COL18A1: variants seen among roughly 807,000 people sequenced by gnomAD.
The protein encoded by COL18A1 is collagen type XVIII alpha 1 chain, also known as collagen alpha-1(XVIII) chain.
Under a neutral mutation model 168.0 loss-of-function variants are expected in COL18A1, and 133 were observed. The observed-to-expected ratio is 0.79, with a 90% confidence interval of 0.69 to 0.91. COL18A1 has a LOEUF of 0.91. Ranked by LOEUF, COL18A1 falls within the 40% of genes least tolerant of loss-of-function variation. COL18A1 has a pLI of 0.00. For synonymous variants in COL18A1, 949 were observed against 809.0 expected (o/e 1.17, Z -2.94); for missense variants, 2,126 against 1,925.4 (o/e 1.10, Z -1.95).
chr21:45,438,805 G>A (rs2034290892), intron 2 of COL18A1, among the ~76,000 whole-genome samples: 2 of 152,364 alleles, frequency 1.3e-5, no homozygotes, highest in South Asian at 4.1e-4. Context: ...CACGTTAGCA[G>A]GTCTGTCTGT....
chr21:45,509,993 G>T, intron 39 of COL18A1, 71 bp from the exon 40 acceptor site: 1 of 1,498,242 alleles, frequency 6.7e-7, no homozygotes, highest in Non-Finnish European at 8.9e-7. Context: ...CGGGGCCGGG[G>T]TGGTGCGCCC....
chr21:45,424,732 G>T (rs1477428748), intron 2 of COL18A1: 1 of 152,372 alleles, frequency 6.6e-6, no homozygotes, highest in East Asian at 1.9e-4. Context: ...TCCCTTCCGG[G>T]GCAGCCCTTG....
At chr21:45,453,441 TTGAG>T (rs779655491) in intron 2 of COL18A1, among the ~76,000 whole-genome samples, 10 of 152,226 alleles carry the variant, frequency 6.6e-5, no homozygotes, top group African/African-American at 1.2e-4. Flanking sequence ...ATGCGTGCGT[TTGAG>T]TGATGATGTG....
intron 2 of COL18A1, among the ~76,000 whole-genome samples, chr21:45,417,574 G>A (rs113344289): frequency 4.9e-4 from 75 of 152,308 alleles, no homozygotes; most frequent in South Asian, 2.7e-3. Flanking sequence ...CTAGGACCGC[G>A]GTCTCTCTGG....
At chr21:45,478,177 G>T in intron 8 of COL18A1, 150 bp from the exon 9 acceptor site, 1 of 1,013,502 alleles carries the variant, frequency 9.9e-7, no homozygotes, top group South Asian at 1.3e-5. Flanking sequence ...GTGGGTGTGA[G>T]GAGGCTCCTG....
At chr21:45,439,934 G>A (rs1218411775) in intron 2 of COL18A1, among the ~76,000 whole-genome samples, 1 of 152,248 alleles carries the variant, frequency 6.6e-6, no homozygotes, top group Non-Finnish European at 1.5e-5. Flanking sequence ...ATGACTTCCT[G>A]AGCGAAAGCA....
At chr21:45,458,772 G>A (rs1191394077) in intron 2 of COL18A1, among the ~76,000 whole-genome samples, 1 of 152,192 alleles carries the variant, frequency 6.6e-6, no homozygotes, top group African/African-American at 2.4e-5. Flanking sequence ...CCTGTGGGAG[G>A]GGAAACGCCA....
At chr21:45,452,727 CGT>C (rs1164692669) in intron 2 of COL18A1, among the ~76,000 whole-genome samples, 4 of 148,608 alleles carry the variant, frequency 2.7e-5, no homozygotes, top group Admixed American at 6.7e-5. Context: ...TCACATGTGA[CGT>C]GTGAGCATAT....
In COL18A1 at chr21:45,431,778, G is replaced by A. The variant is rs571008706; in HGVS notation, c.106+26305G>A. ...AATTTGGGCACAGGCAGGGCAGGCC[G>A]TCGCGGACGGTCTAAGCCGCGCGCA... is the stretch of plus-strand genomic sequence containing the variant. On this transcript the variant is annotated intron_variant, in intron 2 of 41. Coordinates refer to ENST00000651438, the MANE Select transcript of COL18A1 (RefSeq NM_001379500.1). 4.3e-4 allele frequency among the ~76,000 whole-genome samples: 66 copies of A among 152,236 alleles called. 1 individual carries two copies. Among genetic ancestry groups the A allele is most frequent in the African/African-American group, 1.4e-3 (60 of 41,536 alleles).
rs1386248253 is a variant in COL18A1 at position 45,423,423 on chromosome 21, C to A, written c.106+17950C>A. On this transcript the variant is annotated intron_variant, in intron 2 of 41. Coordinates refer to ENST00000651438, the MANE Select transcript of COL18A1 (RefSeq NM_001379500.1). The surrounding 1 kb of genome is among the most constrained non-coding windows in gnomAD (Gnocchi z 4.0). ...TTTGCAGAGAGAAAGGCGTGGAGCTCCACAAGCACCTCGGACGGCAGCAGG... is the reference window on the plus strand; with the variant it reads ...TTTGCAGAGAGAAAGGCGTGGAGCTACACAAGCACCTCGGACGGCAGCAGG... Among the ~76,000 whole-genome samples the A allele has an allele frequency of 6.6e-6, 1 of 152,210 alleles. No homozygotes were observed. The highest frequency in any genetic ancestry group is 1.5e-5 in the Non-Finnish European group (1 of 68,040).
chr21:45,489,997 C>G (rs537140406), intron 19 of COL18A1, among the ~76,000 whole-genome samples: 2 of 11,144 alleles, frequency 1.8e-4, no homozygotes, highest in Admixed American at 5.8e-4. Context: ...ACTTCCCCGT[C>G]CCCCACACCT....
In COL18A1 at chr21:45,425,946, T is replaced by C. The variant is rs544392196; in HGVS notation, c.106+20473T>C. Among the ~76,000 whole-genome samples the C allele has an allele frequency of 6.6e-6, 1 of 152,248 alleles. No individual in the cohort carries two copies. The highest frequency in any genetic ancestry group is 2.1e-4 in the South Asian group (1 of 4,814). On this transcript the variant is annotated intron_variant, in intron 2 of 41. Coordinates refer to ENST00000651438, the MANE Select transcript of COL18A1 (RefSeq NM_001379500.1). The surrounding 1 kb of genome is among the most constrained non-coding windows in gnomAD (Gnocchi z 4.1). The stretch of plus-strand genomic sequence containing the variant: ...CATCCCTGCATCCCTGTTGCTTCTT[T>C]CATGTGGGATGAGAACCCAGGAAGG...
At chr21:45,512,160 T>G in intron 41 of COL18A1, 28 bp from the exon 42 acceptor site, 3 of 1,598,996 alleles carry the variant, frequency 1.9e-6, no homozygotes, top group Non-Finnish European at 2.6e-6. Context: ...AGGTCTGGGT[T>G]TGACTGACGG....
chr21:45,419,227 G>A lies in COL18A1; in HGVS notation c.106+13754G>A, dbSNP rs140613799. Among the ~76,000 whole-genome samples the A allele has an allele frequency of 9.9e-4, 151 of 152,160 alleles. 1 individual carries two copies. Among genetic ancestry groups the A allele is most frequent in the African/African-American group, 3.3e-3 (139 of 41,530 alleles). On this transcript the variant is annotated intron_variant, in intron 2 of 41. Transcript: ENST00000651438. ...GCCGTGTGTGGTGACGTGCAGTTCC[G>A]TGTAGTGACGTGATGCCGTGTGTGG...
chr21:45,504,540 G>T lies in COL18A1; in HGVS notation c.2852G>T (p.Gly951Val). 6.3e-7 allele frequency: 1 copy of T among 1,579,234 alleles called. No individual in the cohort carries two copies. Among genetic ancestry groups the T allele is most frequent in the Non-Finnish European group, 8.6e-7 (1 of 1,163,758 alleles). Residue 951 changes from glycine to valine, a missense_variant, in exon 34 of 42, where the codon GGC becomes GTC. Coordinates refer to ENST00000651438, the MANE Select transcript of COL18A1 (RefSeq NM_001379500.1). Reference sequence around the variant, plus strand: ...CCCCCAGGCCCCCCAGGCCCACGTGGCTACCCTGGGATTCCAGTAAGTCCC... The same window carrying T: ...CCCCCAGGCCCCCCAGGCCCACGTGTCTACCCTGGGATTCCAGTAAGTCCC... ...PGPPGPPGPR[G>V]YPGIPGPKGE...
At chr21:45,499,930 CTG>C (rs1033551235) in intron 32 of COL18A1, among the ~76,000 whole-genome samples, 7 of 152,220 alleles carry the variant, frequency 4.6e-5, no homozygotes, top group Admixed American at 4.6e-4. Context: ...TCTACAGGTG[CTG>C]TAAGTATGAC....
At chr21:45,475,608 A>ACCTGCG in intron 5 of COL18A1, 73 bp downstream of exon 5, 1 of 845,624 alleles carries the variant, frequency 1.2e-6, no homozygotes, top group Non-Finnish European at 1.7e-6. Flanking sequence ...GGGGTGACAC[A>ACCTGCG]TGTGCACACG....
chr21:45,410,826 C>T (rs908595649), intron 2 of COL18A1, among the ~76,000 whole-genome samples: 7 of 152,266 alleles, frequency 4.6e-5, no homozygotes, highest in Non-Finnish European at 5.9e-5. Flanking sequence ...GCTCCTGGGC[C>T]GGCAGCCCAT....
intron 2 of COL18A1, among the ~76,000 whole-genome samples, chr21:45,433,163 G>C (rs1471129009): frequency 1.3e-5 from 2 of 152,214 alleles, no homozygotes; most frequent in African/African-American, 4.8e-5. Flanking sequence ...TTCTGACCTT[G>C]TGAGTTTATA....
Sources: allele counts gnomAD v4.1 joint callset (sites outside exome capture counted in the v4.1 genomes callset), GRCh38; gene constraint gnomAD v4.1.1; non-coding constraint Gnocchi (gnomAD v3.1); transcripts MANE v1.5; gene names NCBI Gene and HGNC (gene_info 2026-07-23, HGNC 2026-07-21).